PAK3: variants seen among roughly 807,000 people sequenced by gnomAD.
PAK3 encodes serine/threonine-protein kinase PAK 3.
Under a neutral mutation model 41.0 loss-of-function variants are expected in PAK3, and 4 were observed. The observed-to-expected ratio is 0.10, with a 90% CI of 0.05 to 0.22. PAK3 has a LOEUF of 0.22. Ranked by LOEUF, PAK3 falls within the 10% of genes least tolerant of loss-of-function variation. The probability of loss-of-function intolerance (pLI) is 1.00; values close to 1 mark genes in which losing one functional copy is unlikely to be tolerated. For missense variants in PAK3, 205 were observed against 409.9 expected (o/e 0.50, Z 4.32); for synonymous variants, 146 against 139.6 (o/e 1.05, Z -0.32).
chrX:111,077,493 GCAATAGACCCACA>G (rs2092796062), intron 1 of PAK3, among the ~76,000 whole-genome samples: 2 of 111,629 alleles, frequency 1.8e-5, no homozygotes, highest in South Asian at 7.5e-4. Context: ...GAACAGCCAA[GCAATAGACCCACA>G]CATTTAAGGT....
At chrX:110,971,669 TCTTTAA>T (rs1474172124) in intron 1 of PAK3, among the ~76,000 whole-genome samples, 3 of 112,180 alleles carry the variant, frequency 2.7e-5, no homozygotes, top group Admixed American at 9.4e-5. Flanking sequence ...AGTACAAATG[TCTTTAA>T]CTTTAATGAT....
At chrX:110,961,916 T>C (rs1467949738) in intron 1 of PAK3, among the ~76,000 whole-genome samples, 1 of 112,537 alleles carries the variant, frequency 8.9e-6, no homozygotes, top group African/African-American at 3.2e-5. Context: ...TGAAAATCTG[T>C]TCTTTCATGG....
intron 1 of PAK3, among the ~76,000 whole-genome samples, chrX:111,015,315 T>C (rs751309356): frequency 9.0e-6 from 1 of 111,247 alleles, no homozygotes; most frequent in Non-Finnish European, 1.9e-5. Flanking sequence ...TTCCACTGTA[T>C]GGATATATCA....
chrX:111,162,801 A>T (rs2094206955), intron 8 of PAK3, 114 bp from the exon 9 acceptor site: 1 of 679,119 alleles, frequency 1.5e-6, no homozygotes, highest in Admixed American at 2.3e-5. Context: ...TTTGTGAAAG[A>T]TGTAGTTTCC....
chrX:111,159,486 T>C (rs1220857214), intron 8 of PAK3, among the ~76,000 whole-genome samples: 1 of 111,385 alleles, frequency 9.0e-6, no homozygotes, highest in Non-Finnish European at 1.9e-5. Context: ...TATAAAAAAG[T>C]ACTCAGCTTC....
chrX:111,223,152 T>G lies in PAK3; in HGVS notation c.*2705T>G, dbSNP rs1465030735. On this transcript the variant is annotated 3_prime_UTR_variant, in exon 18 of 18. Transcript: ENST00000372007. ...CTTTCCCTGGATTTTTAAGCTCATC[T>G]TGACACAGGTGAGTCTATCCAAATC... The G allele has an allele frequency of 9.0e-6, 1 of 111,168 alleles. No homozygotes were observed. Among genetic ancestry groups the G allele is most frequent in the Non-Finnish European group, 1.9e-5 (1 of 53,070 alleles). The allele number at this position is 111,168 out of a possible 1,213,427, so 9.2% of individuals were successfully genotyped here.
chrX:110,999,709 C>G (rs1487580059), intron 1 of PAK3, among the ~76,000 whole-genome samples: 2 of 107,179 alleles, frequency 1.9e-5, no homozygotes, highest in African/African-American at 3.4e-5. Context: ...TGCAGTGGCT[C>G]ATGTCTGTAA....
intron 1 of PAK3, among the ~76,000 whole-genome samples, chrX:111,006,211 C>T (rs1007826939): frequency 8.9e-6 from 1 of 112,203 alleles, no homozygotes; most frequent in Non-Finnish European, 1.9e-5. Context: ...CCACAAAGGA[C>T]ATCATTGAGA....
chrX:111,045,305 A>G (rs2092486774), intron 1 of PAK3, among the ~76,000 whole-genome samples: 2 of 112,565 alleles, frequency 1.8e-5, no homozygotes, highest in Non-Finnish European at 3.8e-5. Context: ...AACACTTTCC[A>G]CTATGTTATG....
chrX:111,046,063 A>C lies in PAK3; in HGVS notation c.-27-77014A>C, dbSNP rs1224128484. ...CACCTGGCTATCCTCCTTAACTGGG[A>C]GCGAGAGGAGAGCCTCGTCTGCTGC... On this transcript the variant is annotated intron_variant, in intron 1 of 14. Coordinates refer to the PAK3 transcript ENST00000425146. Among the ~76,000 whole-genome samples, 3 of 111,442 alleles carry C rather than the reference A, an allele frequency of 2.7e-5. 1 individual carries two copies. The Admixed American group carries it at 2.9e-4, about 11-fold the overall frequency.
chrX:111,168,485 T>C (rs1403029739), intron 10 of PAK3, among the ~76,000 whole-genome samples: 1 of 111,862 alleles, frequency 8.9e-6, no homozygotes, highest in East Asian at 2.8e-4. Context: ...ACAAGGCCTC[T>C]AGTATACTTG....
chrX:111,024,923 A>G (rs1369013475), intron 1 of PAK3, among the ~76,000 whole-genome samples: 2 of 111,597 alleles, frequency 1.8e-5, no homozygotes, highest in Non-Finnish European at 3.8e-5. Context: ...AGTAAATTTA[A>G]GAAAATCGAA....
At chrX:110,983,812 T>C (rs188845763) in intron 1 of PAK3, among the ~76,000 whole-genome samples, 192 of 111,280 alleles carry the variant, frequency 1.7e-3, no homozygotes, top group African/African-American at 5.8e-3. Flanking sequence ...GTGATTTTTT[T>C]CTGCAAATAC....
intron 1 of PAK3, among the ~76,000 whole-genome samples, chrX:110,951,963 T>C (rs1412390996): frequency 8.9e-6 from 1 of 112,464 alleles, no homozygotes; most frequent in Non-Finnish European, 1.9e-5. Flanking sequence ...CATAACTTTC[T>C]GAAGGCTGAG....
intron 1 of PAK3, among the ~76,000 whole-genome samples, chrX:111,048,283 G>A (rs1267331261): frequency 9.1e-6 from 1 of 110,298 alleles, no homozygotes; most frequent in East Asian, 2.9e-4. Flanking sequence ...TGGCACACCC[G>A]ACGGCTCAGT....
At chrX:110,985,087 A>T (rs1374198400) in intron 1 of PAK3, among the ~76,000 whole-genome samples, 2 of 112,250 alleles carry the variant, frequency 1.8e-5, no homozygotes, top group African/African-American at 6.5e-5. Flanking sequence ...TGAGAAAAAT[A>T]AAAAAATAAC....
Position 111,119,505 on chromosome X carries a change from T to A in PAK3, c.-27-3572T>A, listed in dbSNP as rs12844032. 4.9e-3 allele frequency among the ~76,000 whole-genome samples: 554 copies of A among 112,092 alleles called. 4 individuals carry two copies. Among genetic ancestry groups the A allele is most frequent in the Middle Eastern group, 0.014 (3 of 218 alleles). On this transcript the variant is annotated intron_variant, in intron 4 of 17. Coordinates refer to ENST00000372007, the MANE Select transcript of PAK3 (RefSeq NM_002578.5). ...AGTTGAACTTTAAAGATAAACAGTT[T>A]TTTTTATCGGATTCCTAGAGAATAA...
intron 8 of PAK3, among the ~76,000 whole-genome samples, chrX:111,159,941 G>A (rs945525145): frequency 8.9e-6 from 1 of 111,961 alleles, no homozygotes; most frequent in Non-Finnish European, 1.9e-5. Flanking sequence ...TATCAGATGT[G>A]TGATTACACC....
At chrX:111,210,527 A>G (rs2094807740) in intron 16 of PAK3, among the ~76,000 whole-genome samples, 1 of 111,872 alleles carries the variant, frequency 8.9e-6, no homozygotes, top group Non-Finnish European at 1.9e-5. Context: ...TTTTCTGCAT[A>G]TCTTCTTAGA....
Sources: allele counts gnomAD v4.1 joint callset (sites outside exome capture counted in the v4.1 genomes callset), GRCh38; gene constraint gnomAD v4.1.1; transcripts MANE v1.5; gene names NCBI Gene and HGNC (gene_info 2026-07-23, HGNC 2026-07-21).